Variants in RARB observed in about 807,000 individuals in gnomAD.
RARB encodes the protein HBV-activated protein.
In RARB, 17 loss-of-function variants were observed where a neutral mutation model predicts 51.9. The observed-to-expected ratio is 0.33, with a 90% CI of 0.22 to 0.49. The LOEUF (loss-of-function observed/expected upper bound fraction) is 0.49, where lower values mean the gene tolerates loss of function less well. RARB is among the 20% of genes least tolerant of loss of function. The probability of loss-of-function intolerance (pLI) is 0.99; values close to 1 mark genes in which losing one functional copy is unlikely to be tolerated. For missense variants in RARB, 369 were observed against 550.8 expected (o/e 0.67, Z 3.30); for synonymous variants, 215 against 195.4 (o/e 1.10, Z -0.84).
intron 5 of RARB, among the ~76,000 whole-genome samples, chr3:25,256,856 A>C (rs4513419): frequency 1 from 152,218 of 152,218 alleles, 76,109 homozygotes; most frequent in Non-Finnish European, 1. Flanking sequence ...GTGGCACAGC[A>C]TATTTTTTAG....
intron 2 of RARB, among the ~76,000 whole-genome samples, chr3:24,999,120 T>C (rs1240996197): frequency 6.6e-6 from 1 of 152,142 alleles, no homozygotes; most frequent in African/African-American, 2.4e-5. Context: ...GCTTTTCTGT[T>C]ATATAGATAA....
At chr3:25,357,576 A>G (rs112945261) in intron 5 of RARB, among the ~76,000 whole-genome samples, 7,501 of 152,210 alleles carry the variant, frequency 0.049, 535 homozygotes, top group African/African-American at 0.15. Flanking sequence ...TTAGTCATGA[A>G]GTATTTGCCC....
At chr3:25,596,306 T>G (rs1701825785) in intron 7 of RARB, 114 bp from the exon 8 acceptor site, 1 of 849,356 alleles carries the variant, frequency 1.2e-6, no homozygotes, top group Admixed American at 2.6e-5. Context: ...TCATAATTCC[T>G]AAGCAAGAAT....
chr3:24,911,855 T>C (rs1399303827), intron 2 of RARB, among the ~76,000 whole-genome samples: 2 of 152,246 alleles, frequency 1.3e-5, no homozygotes, highest in Non-Finnish European at 1.5e-5. Context: ...GGAAGAATTT[T>C]CTATAGACTT....
At chr3:24,868,562 T>C (rs944203394) in intron 2 of RARB, among the ~76,000 whole-genome samples, 5 of 152,098 alleles carry the variant, frequency 3.3e-5, no homozygotes, top group Admixed American at 6.6e-5. Flanking sequence ...CTGAAAAATA[T>C]AGTTCAGGCC....
chr3:24,830,262 G>A (rs989482074), intron 1 of RARB, among the ~76,000 whole-genome samples: 2 of 149,000 alleles, frequency 1.3e-5, no homozygotes, highest in Non-Finnish European at 3.0e-5. Context: ...ATTGCAGTGT[G>A]CCCCAGTGTG....
chr3:25,357,300 G>T (rs549896750), intron 5 of RARB, among the ~76,000 whole-genome samples: 35 of 152,154 alleles, frequency 2.3e-4, no homozygotes, highest in Admixed American at 4.6e-4. Context: ...TTTGTTGGCT[G>T]CATAAATGTC....
At chr3:24,860,928 A>T (rs1022472308) in intron 2 of RARB, among the ~76,000 whole-genome samples, 4 of 152,202 alleles carry the variant, frequency 2.6e-5, no homozygotes, top group Non-Finnish European at 5.9e-5. Flanking sequence ...TGCTAGGAGC[A>T]ATAGACTATA....
At chr3:25,079,516 TTAAG>T (rs1247410524) in intron 3 of RARB, among the ~76,000 whole-genome samples, 2 of 152,158 alleles carry the variant, frequency 1.3e-5, no homozygotes, top group Non-Finnish European at 1.5e-5. Flanking sequence ...TCATTTACCA[TTAAG>T]TATTATGCTA....
At position 25,583,843 on chromosome 3, in the gene RARB, C is replaced by G. The variant is rs186258572; in HGVS notation, c.786+3121C>G. Among the ~76,000 whole-genome samples, 227 of 152,278 alleles carry G rather than the reference C, an allele frequency of 1.5e-3. 4 individuals carry two copies. Among genetic ancestry groups the G allele is most frequent in the Non-Finnish European group, 4.0e-4 (27 of 68,028 alleles). On this transcript the variant is annotated intron_variant, in intron 5 of 7. Transcript: ENST00000330688. ...AAATGTCTCTATTAAGACAGGCAGCCTCTTCATAACCACTGCAGATGGGTT... is the reference window on the plus strand; with the variant it reads ...AAATGTCTCTATTAAGACAGGCAGCGTCTTCATAACCACTGCAGATGGGTT...
In RARB at chr3:25,420,925, A is replaced by C. The variant is rs141709825; in HGVS notation, c.179-40268A>C. Among the ~76,000 whole-genome samples, 895 of 150,390 alleles carry C rather than the reference A, an allele frequency of 6.0e-3. 3 individuals are homozygous for C. Among genetic ancestry groups the C allele is most frequent in the Non-Finnish European group, 8.9e-3 (602 of 67,700 alleles). Reference sequence around the variant, plus strand: ...ATAATGCAAGTCTTCCATCTTATGCAATACCTTTGCCATTTAATTAATTTA... The same window carrying C: ...ATAATGCAAGTCTTCCATCTTATGCCATACCTTTGCCATTTAATTAATTTA... On this transcript the variant is annotated intron_variant, in intron 5 of 11. Transcript: ENST00000383772.
At chr3:25,325,687 TGTG>T in intron 5 of RARB, among the ~76,000 whole-genome samples, 1 of 152,044 alleles carries the variant, frequency 6.6e-6, no homozygotes, top group East Asian at 1.9e-4. Context: ...AATGGAATGT[TGTG>T]GTGATGAGCC....
chr3:25,566,195 T>A (rs2125684009), intron 3 of RARB, among the ~76,000 whole-genome samples: 1 of 152,318 alleles, frequency 6.6e-6, no homozygotes, highest in South Asian at 2.1e-4. Context: ...TTCTAGAGTT[T>A]AAAACCATTG....
intron 2 of RARB, among the ~76,000 whole-genome samples, chr3:24,966,566 C>A (rs1346775507): frequency 6.6e-6 from 1 of 151,276 alleles, no homozygotes; most frequent in Non-Finnish European, 1.5e-5. Flanking sequence ...TGTCAAAGGT[C>A]ATTTCTACCA....
At chr3:24,890,539 G>C (rs1474562349) in intron 2 of RARB, among the ~76,000 whole-genome samples, 8 of 152,096 alleles carry the variant, frequency 5.3e-5, no homozygotes, top group Admixed American at 5.2e-4. Context: ...GCTTGAGTCT[G>C]GGAGTTGGAA....
chr3:25,232,512 C>T (rs1369261585), intron 5 of RARB, among the ~76,000 whole-genome samples: 1 of 151,926 alleles, frequency 6.6e-6, no homozygotes, highest in African/African-American at 2.4e-5. Context: ...TAAAAGAAAA[C>T]TTATGATTTA....
intron 3 of RARB, among the ~76,000 whole-genome samples, chr3:25,564,402 G>T (rs748273458): frequency 1.3e-5 from 2 of 152,178 alleles, no homozygotes; most frequent in African/African-American, 2.4e-5. Context: ...TCTATCAGGT[G>T]TATAAATCAC....
intron 5 of RARB, among the ~76,000 whole-genome samples, chr3:25,398,158 T>C (rs1707167269): frequency 6.6e-6 from 1 of 152,054 alleles, no homozygotes; most frequent in Admixed American, 6.6e-5. Flanking sequence ...AAGCTCCACG[T>C]TTGGGGGCCA....
At chr3:25,165,087 GT>G (rs548006125) in intron 4 of RARB, among the ~76,000 whole-genome samples, 2 of 151,610 alleles carry the variant, frequency 1.3e-5, no homozygotes, top group African/African-American at 2.4e-5. Context: ...TAATTTGGGA[GT>G]TTTTTTTAAG....
Sources: allele counts gnomAD v4.1 joint callset (sites outside exome capture counted in the v4.1 genomes callset), GRCh38; gene constraint gnomAD v4.1.1; transcripts MANE v1.5; gene names NCBI Gene and HGNC (gene_info 2026-07-23, HGNC 2026-07-21).